The following RCAN2 variants were observed in gnomAD, a reference collection of about 807,000 sequenced individuals.
The protein encoded by RCAN2 is calcipressin-2.
RCAN2 carries 9 observed loss-of-function variants against 23.6 expected under a neutral mutation model. The ratio of observed to expected loss-of-function variants is 0.38; its 90% CI spans 0.23 to 0.67. The LOEUF (loss-of-function observed/expected upper bound fraction) is 0.67. RCAN2 is among the 30% of genes least tolerant of loss of function. RCAN2 has a pLI of 0.51. For synonymous variants in RCAN2, 109 were observed against 115.7 expected (o/e 0.94, Z 0.37); for missense variants, 273 against 302.3 (o/e 0.90, Z 0.72).
chr6:46,364,323 A>G (rs1765102583), intron 2 of RCAN2, among the ~76,000 whole-genome samples: 1 of 152,214 alleles, frequency 6.6e-6, no homozygotes, highest in South Asian at 2.1e-4. Context: ...TTGTGATGGT[A>G]GATAAAAACC....
chr6:46,329,620 C>G (rs1269241485), intron 2 of RCAN2, among the ~76,000 whole-genome samples: 1 of 152,130 alleles, frequency 6.6e-6, no homozygotes, highest in East Asian at 1.9e-4. Context: ...CCAGGAGTTG[C>G]AGGGAGGCTT....
At chr6:46,231,486 T>C (rs543767621) in intron 4 of RCAN2, among the ~76,000 whole-genome samples, 2 of 151,982 alleles carry the variant, frequency 1.3e-5, no homozygotes, top group African/African-American at 4.8e-5. Context: ...CTCAGCTCAC[T>C]GCAACCTCTG....
chr6:46,295,906 A>G (rs1762709535), intron 2 of RCAN2, among the ~76,000 whole-genome samples: 1 of 152,012 alleles, frequency 6.6e-6, no homozygotes, highest in African/African-American at 2.4e-5. Flanking sequence ...GTTCTCAATG[A>G]AAGTGGAAGG....
chr6:46,417,506 A>G (rs1766745901), intron 2 of RCAN2, among the ~76,000 whole-genome samples: 1 of 152,222 alleles, frequency 6.6e-6, no homozygotes, highest in Non-Finnish European at 1.5e-5. Flanking sequence ...GGACATATCA[A>G]TTTGGATAAA....
intron 2 of RCAN2, among the ~76,000 whole-genome samples, chr6:46,342,204 A>T (rs1412682508): frequency 6.6e-6 from 1 of 152,190 alleles, no homozygotes; most frequent in Non-Finnish European, 1.5e-5. Flanking sequence ...GTTACTTTCA[A>T]AGTCAACCAG....
rs1260681269 is a variant in RCAN2 at position 46,246,784 on chromosome 6, A to G, written c.535T>C (p.Tyr179His). The part of the protein sequence containing the change: ...PINDATPVLN[Y>H]DLLYAVAKLG... Reference sequence around the variant, plus strand: ...TTGGCCACAGCATAGAGGAGGTCATAGTTGAGGACTGGCGTGGCATCGTTG... The same window carrying G: ...TTGGCCACAGCATAGAGGAGGTCATGGTTGAGGACTGGCGTGGCATCGTTG... Residue 179 changes from tyrosine to histidine, a missense_variant, in exon 4 of 5, where the codon TAT (tyrosine) becomes CAT (histidine). Tyr to His is a moderately conservative substitution (Grantham distance 83). Transcript: ENST00000371374. 6.2e-7 allele frequency: 1 copy of G among 1,613,778 alleles called. No individual in the cohort carries two copies. The highest frequency in any genetic ancestry group is 8.5e-7 in the Non-Finnish European group (1 of 1,179,880).
chr6:46,457,422 G>C (rs990834430), intron 1 of RCAN2, among the ~76,000 whole-genome samples: 3 of 152,148 alleles, frequency 2.0e-5, no homozygotes, highest in Non-Finnish European at 4.4e-5. Context: ...TGGGAAAACA[G>C]GAAGAAAGCA....
rs1471021940 is a variant in RCAN2 at position 46,223,202 on chromosome 6, G to C, written c.671C>G (p.Ser224Cys). 6.2e-7 allele frequency: 1 copy of C among 1,613,836 alleles called. No homozygotes were observed. The highest frequency in any genetic ancestry group is 8.5e-7 in the Non-Finnish European group (1 of 1,179,984). The change falls in exon 5 of 5, where the codon TCC becomes TGC. Residue 224 changes from serine to cysteine, a missense_variant. Ser to Cys is a moderately radical substitution (Grantham distance 112). Coordinates refer to ENST00000371374, the MANE Select transcript of RCAN2 (RefSeq NM_001251974.2). ...AGTTTGGATGATTTTTGGCTTTGGG[G>C]AAGTCTTTGGGTCCTCTTCTTCCTC... ...DIEEEEDPKT[S>C]PKPKIIQTRR...
chr6:46,235,394 C>T (rs1039002531), intron 4 of RCAN2, among the ~76,000 whole-genome samples: 1 of 152,216 alleles, frequency 6.6e-6, no homozygotes, highest in East Asian at 1.9e-4. Context: ...AAGCTTTGCT[C>T]TGCTCAGCAC....
At chr6:46,457,067 G>T in intron 1 of RCAN2, 89 bp from the exon 2 acceptor site, 1 of 799,222 alleles carries the variant, frequency 1.3e-6, no homozygotes, top group Non-Finnish European at 2.0e-6. Flanking sequence ...GTCAGGGGCA[G>T]AACAGTGGAG....
At chr6:46,239,409 C>G (rs1023091474) in intron 4 of RCAN2, among the ~76,000 whole-genome samples, 2 of 152,112 alleles carry the variant, frequency 1.3e-5, no homozygotes, top group Non-Finnish European at 2.9e-5. Flanking sequence ...TTTGGTGGAT[C>G]CCAGAGAAAA....
At chr6:46,241,637 T>C (rs1197334083) in intron 4 of RCAN2, among the ~76,000 whole-genome samples, 1 of 152,226 alleles carries the variant, frequency 6.6e-6, no homozygotes, top group Non-Finnish European at 1.5e-5. Flanking sequence ...AAATTTCTTC[T>C]AGAGAAAAAT....
At chr6:46,282,104 T>C (rs1299183956) in intron 2 of RCAN2, among the ~76,000 whole-genome samples, 2 of 152,216 alleles carry the variant, frequency 1.3e-5, no homozygotes, top group African/African-American at 4.8e-5. Context: ...TTTAATTGCA[T>C]AGAAGAGAAA....
intron 2 of RCAN2, among the ~76,000 whole-genome samples, chr6:46,282,616 C>T (rs1160702947): frequency 6.6e-6 from 1 of 152,182 alleles, no homozygotes; most frequent in African/African-American, 2.4e-5. Context: ...ATTTCTAAAT[C>T]GCACTGTGAA....
At chr6:46,450,334 C>T (rs560724233) in intron 2 of RCAN2, among the ~76,000 whole-genome samples, 1 of 152,126 alleles carries the variant, frequency 6.6e-6, no homozygotes, top group East Asian at 1.9e-4. Flanking sequence ...AACTATTACA[C>T]ATTGTTAGTG....
chr6:46,272,622 TA>T (rs1320667113), intron 2 of RCAN2, among the ~76,000 whole-genome samples: 10 of 152,248 alleles, frequency 6.6e-5, no homozygotes, highest in Non-Finnish European at 1.5e-4. Flanking sequence ...ATCAAAATGT[TA>T]AAATGCTTTT....
At chr6:46,226,289 G>C (rs1381038120) in intron 4 of RCAN2, among the ~76,000 whole-genome samples, 1 of 152,122 alleles carries the variant, frequency 6.6e-6, no homozygotes, top group Non-Finnish European at 1.5e-5. Context: ...CGTTCCATAT[G>C]AACTTTAAAG....
At chr6:46,321,675 C>T (rs1763622807) in intron 2 of RCAN2, among the ~76,000 whole-genome samples, 1 of 152,172 alleles carries the variant, frequency 6.6e-6, no homozygotes, top group Admixed American at 6.5e-5. Flanking sequence ...TGGATGCCCC[C>T]TGGCAGAGTG....
chr6:46,408,735 A>T (rs56854751), intron 2 of RCAN2, among the ~76,000 whole-genome samples: 7,696 of 148,686 alleles, frequency 0.052, 377 homozygotes, highest in South Asian at 0.14. Context: ...ATAATAATTT[A>T]AAAAAAACTG....
Sources: gnomAD v4.1 joint callset for allele counts (sites outside exome capture counted in the v4.1 genomes callset) on GRCh38, gnomAD v4.1.1 for gene constraint, MANE v1.5 for transcripts, NCBI Gene and HGNC (gene_info 2026-07-23, HGNC 2026-07-21) for gene names.